Variants in TPTE observed in about 807,000 individuals in gnomAD.
TPTE encodes the protein putative tyrosine-protein phosphatase TPTE.
Under a neutral mutation model 84.1 loss-of-function variants are expected in TPTE, and 59 were observed. The ratio of observed to expected loss-of-function variants is 0.70; its 90% CI spans 0.57 to 0.87. The LOEUF is 0.87. Ranked by LOEUF, TPTE falls within the 40% of genes least tolerant of loss-of-function variation. The pLI, the probability that TPTE is intolerant of heterozygous loss-of-function variation, is 0.00. For missense variants in TPTE, 382 were observed against 659.6 expected (o/e 0.58, Z 4.61); for synonymous variants, 130 against 223.5 (o/e 0.58, Z 3.73).
rs1269880227 is a variant in TPTE, at chr21:10,541,048, G to C, written c.12-64G>C. The C allele has an allele frequency of 4.4e-6, 7 of 1,602,092 alleles. No homozygotes were observed. The South Asian group carries it at 6.6e-5, about 15-fold the overall frequency. On this transcript the variant is annotated intron_variant, in intron 4 of 23. Coordinates refer to ENST00000618007, the MANE Select transcript of TPTE (RefSeq NM_199261.4). ...GGGAATGACACATAGACTAACTGTAGCTATTTGTTGCAAAACATTAGAATT... is the reference window on the plus strand; with the variant it reads ...GGGAATGACACATAGACTAACTGTACCTATTTGTTGCAAAACATTAGAATT...
chr21:10,576,413 G>C, intron 14 of TPTE: 1 of 192,950 alleles, frequency 5.2e-6, no homozygotes, highest in Admixed American at 5.6e-5. Flanking sequence ...GTGGAAGACA[G>C]GTCAGGCCAT....
Position 10,603,645 on chromosome 21 carries a change from T to C in TPTE, c.1520+13T>C, listed in dbSNP as rs1177369304. 6.2e-7 allele frequency: 1 copy of C among 1,607,780 alleles called. No homozygotes were observed. The highest frequency in any genetic ancestry group is 1.7e-5 in the Admixed American group (1 of 59,822). ...TTGAAAATAACAGGTATGAATATAATAGAAACCCATAGAAACAGCCTAATC... is the reference window on the plus strand; with the variant it reads ...TTGAAAATAACAGGTATGAATATAACAGAAACCCATAGAAACAGCCTAATC... On this transcript the variant is annotated intron_variant, in intron 23 of 23. Coordinates refer to ENST00000618007, the MANE Select transcript of TPTE (RefSeq NM_199261.4).
At position 10,603,149 on chromosome 21, in the gene TPTE, G is replaced by A. The variant is rs540801134; in HGVS notation, c.1450-413G>A. Among the ~76,000 whole-genome samples, 8 of 152,406 alleles carry A rather than the reference G, an allele frequency of 5.2e-5. No individual in the cohort carries two copies. The East Asian group carries it at 7.7e-4, about 15-fold the overall frequency. ...AAACTGCTGCGGGTGACTGAACCCC[G>A]CTTCTGATATCAGAAAATCCAATTT... On this transcript the variant is annotated intron_variant, in intron 22 of 23. Transcript: ENST00000618007.
chr21:10,546,762 T>G (rs1040636082), intron 7 of TPTE, among the ~76,000 whole-genome samples: 1 of 152,306 alleles, frequency 6.6e-6, no homozygotes, highest in Non-Finnish European at 1.5e-5. Context: ...TCACTCTCTT[T>G]GATTCAGTGA....
At chr21:10,538,826 C>CCATCCATCCATG in intron 4 of TPTE, 92 bp downstream of exon 4, 1 of 1,612,458 alleles carries the variant, frequency 6.2e-7, no homozygotes, top group Non-Finnish European at 8.5e-7. Flanking sequence ...ATATATCCAT[C>CCATCCATCCATG]CATCCATCCA....
chr21:10,582,271 C>T (rs1183480142), intron 17 of TPTE, among the ~76,000 whole-genome samples: 240 of 151,694 alleles, frequency 1.6e-3, no homozygotes, highest in Middle Eastern at 3.4e-3. Context: ...CCATCAATTG[C>T]GTGCTGTTTT....
chr21:10,598,831 A>G (rs9325345), intron 21 of TPTE, among the ~76,000 whole-genome samples: 8,152 of 141,068 alleles, frequency 0.058, no homozygotes, highest in South Asian at 0.13. Flanking sequence ...AAATTCTCCT[A>G]TTACTAACCC....
chr21:10,522,450 G>C (rs1415452139), intron 1 of TPTE, among the ~76,000 whole-genome samples: 1 of 152,300 alleles, frequency 6.6e-6, no homozygotes, highest in East Asian at 1.9e-4. Flanking sequence ...CCCTTGGGGC[G>C]CGGGCGGAGG....
At chr21:10,525,875 G>A (rs554356229) in intron 2 of TPTE, among the ~76,000 whole-genome samples, 140 of 152,392 alleles carry the variant, frequency 9.2e-4, no homozygotes, top group Admixed American at 2.0e-3. Context: ...GCCCTTTTTG[G>A]AGATTAGTTT....
intron 1 of TPTE, among the ~76,000 whole-genome samples, chr21:10,522,098 C>T (rs1177980322): frequency 7.2e-5 from 11 of 152,124 alleles, no homozygotes; most frequent in African/African-American, 2.6e-4. Flanking sequence ...CCCGGTCCTG[C>T]GGAGGCTCCC....
At chr21:10,549,779 A>G (rs1481410513) in intron 7 of TPTE, among the ~76,000 whole-genome samples, 3 of 152,306 alleles carry the variant, frequency 2.0e-5, no homozygotes, top group African/African-American at 4.8e-5. Context: ...ATTTAATAAA[A>G]TAGCGTAAAA....
intron 1 of TPTE, among the ~76,000 whole-genome samples, chr21:10,522,059 C>A (rs1237299531): frequency 1.3e-5 from 2 of 152,126 alleles, no homozygotes; most frequent in East Asian, 3.9e-4. Flanking sequence ...AGGGGGCGCG[C>A]CCCCCGCCCG....
At chr21:10,537,162 G>T (rs1348057549) in intron 3 of TPTE, among the ~76,000 whole-genome samples, 4 of 152,310 alleles carry the variant, frequency 2.6e-5, no homozygotes, top group Non-Finnish European at 5.9e-5. Flanking sequence ...TATAGAAACT[G>T]CAGCTGAATT....
intron 1 of TPTE, among the ~76,000 whole-genome samples, chr21:10,523,159 A>AT (rs2074014092): frequency 6.6e-6 from 1 of 152,312 alleles, no homozygotes; most frequent in Non-Finnish European, 1.5e-5. Context: ...AATCCTCTCC[A>AT]TTACATACAA....
intron 7 of TPTE, among the ~76,000 whole-genome samples, chr21:10,549,561 C>T (rs2074533518): frequency 6.6e-6 from 1 of 152,282 alleles, no homozygotes; most frequent in South Asian, 2.1e-4. Context: ...TGAAAAAATA[C>T]AATCAATGGC....
chr21:10,552,361 A>G (rs1350940351), intron 7 of TPTE, among the ~76,000 whole-genome samples: 1 of 152,286 alleles, frequency 6.6e-6, no homozygotes, highest in Non-Finnish European at 1.5e-5. Flanking sequence ...TATATATTAT[A>G]TATCCATATA....
chr21:10,552,393 A>G (rs1341111670), intron 7 of TPTE, among the ~76,000 whole-genome samples: 1 of 152,292 alleles, frequency 6.6e-6, no homozygotes, highest in Non-Finnish European at 1.5e-5. Context: ...ATATATCTTT[A>G]TATGCATATA....
chr21:10,584,272 TTTG>T (rs1258471126), intron 17 of TPTE, among the ~76,000 whole-genome samples: 97 of 152,276 alleles, frequency 6.4e-4, no homozygotes, highest in African/African-American at 2.3e-3. Flanking sequence ...CTAAATGTTT[TTTG>T]TTGTTTTAAA....
chr21:10,525,106 C>T (rs1014660646), intron 2 of TPTE, among the ~76,000 whole-genome samples: 3 of 152,310 alleles, frequency 2.0e-5, no homozygotes, highest in Admixed American at 6.5e-5. Context: ...AGCCACTCCA[C>T]AGAGATGGCC....
Sources: allele counts gnomAD v4.1 joint callset (sites outside exome capture counted in the v4.1 genomes callset), GRCh38; gene constraint gnomAD v4.1.1; transcripts MANE v1.5; gene names NCBI Gene and HGNC (gene_info 2026-07-23, HGNC 2026-07-21).